Variants in RGS21 observed in about 807,000 individuals in gnomAD.
The protein encoded by RGS21 is regulator of G protein signaling 21, also known as regulator of G-protein signalling 21.
Under a neutral mutation model 18.7 loss-of-function variants are expected in RGS21, and 19 were observed. The ratio of observed to expected loss-of-function variants is 1.01; its 90% CI spans 0.71 to 1.49. The LOEUF (loss-of-function observed/expected upper bound fraction) is 1.49. Ranked by LOEUF, RGS21 falls within the 40% of genes most tolerant of loss-of-function variation. RGS21 has a pLI of 0.00. For synonymous variants in RGS21, 56 were observed against 57.8 expected (o/e 0.97, Z 0.14); for missense variants, 194 against 176.8 (o/e 1.10, Z -0.55).
chr1:192,331,836 T>C (rs960281917), intron 1 of RGS21, among the ~76,000 whole-genome samples: 14 of 152,026 alleles, frequency 9.2e-5, no homozygotes, highest in African/African-American at 2.4e-4. Flanking sequence ...AAAATGTATT[T>C]ATCTCTTTTC....
At chr1:192,326,523 C>G (rs1434061129) in intron 1 of RGS21, among the ~76,000 whole-genome samples, 1 of 151,984 alleles carries the variant, frequency 6.6e-6, no homozygotes, top group Non-Finnish European at 1.5e-5. Flanking sequence ...TATGTGTGTA[C>G]TCATTATGTT....
chr1:192,357,036 A>G (rs765045838), intron 4 of RGS21, among the ~76,000 whole-genome samples: 13 of 151,846 alleles, frequency 8.6e-5, no homozygotes, highest in African/African-American at 1.4e-4. Context: ...GACACCAGAT[A>G]AAAAATAATA....
chr1:192,341,985 CCTT>C (rs1239363928), intron 1 of RGS21, among the ~76,000 whole-genome samples: 2 of 151,966 alleles, frequency 1.3e-5, no homozygotes, highest in African/African-American at 4.8e-5. Flanking sequence ...TGATGATTTC[CCTT>C]CTTAATGATA....
intron 1 of RGS21, among the ~76,000 whole-genome samples, chr1:192,330,912 T>C (rs1360832114): frequency 6.6e-6 from 1 of 152,220 alleles, no homozygotes; most frequent in Non-Finnish European, 1.5e-5. Context: ...TTGAATTTGA[T>C]GAGCTGAGGG....
intron 1 of RGS21, among the ~76,000 whole-genome samples, chr1:192,339,985 T>A (rs1467464914): frequency 1.3e-5 from 2 of 152,172 alleles, no homozygotes; most frequent in African/African-American, 4.8e-5. Context: ...TGTTATATAT[T>A]ATGGAGTTAA....
chr1:192,353,723 T>C (rs1659076092), intron 4 of RGS21, among the ~76,000 whole-genome samples: 1 of 151,742 alleles, frequency 6.6e-6, no homozygotes, highest in South Asian at 2.1e-4. Context: ...TAACCTTTTC[T>C]TCCAAAATTA....
intron 1 of RGS21, among the ~76,000 whole-genome samples, chr1:192,331,545 CTAAATAAATAAA>C (rs200622803): frequency 8.2e-4 from 118 of 143,830 alleles, no homozygotes; most frequent in Admixed American, 8.2e-4. Context: ...GACTCCGTCT[CTAAATAAATAAA>C]TAAATAAATA....
intron 1 of RGS21, among the ~76,000 whole-genome samples, chr1:192,321,667 G>A (rs1658499752): frequency 6.6e-6 from 1 of 151,726 alleles, no homozygotes; most frequent in African/African-American, 2.4e-5. Context: ...TTTATAATAT[G>A]AGCATAAGTT....
At chr1:192,322,637 C>T (rs1418913897) in intron 1 of RGS21, among the ~76,000 whole-genome samples, 3 of 152,018 alleles carry the variant, frequency 2.0e-5, no homozygotes, top group African/African-American at 2.4e-5. Context: ...CTTCCACTAA[C>T]GCCAGACACT....
At chr1:192,361,977 A>T (rs16834199) in intron 4 of RGS21, among the ~76,000 whole-genome samples, 48,290 of 152,016 alleles carry the variant, frequency 0.32, 8,946 homozygotes, top group African/African-American at 0.5. Context: ...TGGAAGACAA[A>T]CTGTACAGGA....
At chr1:192,340,726 G>A (rs570322891) in intron 1 of RGS21, among the ~76,000 whole-genome samples, 6 of 152,038 alleles carry the variant, frequency 3.9e-5, no homozygotes, top group Non-Finnish European at 8.8e-5. Context: ...ACAGTTCCAC[G>A]TGGCTGGGGA....
At chr1:192,356,252 G>A (rs1223411340) in intron 4 of RGS21, among the ~76,000 whole-genome samples, 4 of 151,746 alleles carry the variant, frequency 2.6e-5, no homozygotes, top group Non-Finnish European at 5.9e-5. Flanking sequence ...ATCAATAAAT[G>A]TTTTTTATTC....
intron 1 of RGS21, among the ~76,000 whole-genome samples, chr1:192,327,569 T>A (rs1383924841): frequency 1.3e-5 from 2 of 152,144 alleles, no homozygotes; most frequent in African/African-American, 4.8e-5. Context: ...ACCTCCTAAA[T>A]TCAAGCGATT....
chr1:192,334,466 T>C (rs1051436640), intron 1 of RGS21, among the ~76,000 whole-genome samples: 2 of 152,174 alleles, frequency 1.3e-5, no homozygotes, highest in African/African-American at 4.8e-5. Context: ...GATCTTTTCA[T>C]AGGACAATGA....
At chr1:192,340,330 C>T (rs1027220847) in intron 1 of RGS21, among the ~76,000 whole-genome samples, 1 of 151,986 alleles carries the variant, frequency 6.6e-6, no homozygotes, top group Non-Finnish European at 1.5e-5. Flanking sequence ...TGTTGGCTTG[C>T]TATATTTTCT....
intron 4 of RGS21, among the ~76,000 whole-genome samples, chr1:192,358,572 A>G (rs1162573147): frequency 6.6e-6 from 1 of 152,018 alleles, no homozygotes; most frequent in Non-Finnish European, 1.5e-5. Context: ...TGCCGGCTCC[A>G]TTTTTGTAAG....
At chr1:192,357,171 A>G (rs752814726) in intron 4 of RGS21, among the ~76,000 whole-genome samples, 1 of 151,874 alleles carries the variant, frequency 6.6e-6, no homozygotes, top group Non-Finnish European at 1.5e-5. Context: ...GTAAGCTTTG[A>G]CCAGAAATTT....
At chr1:192,338,196 G>A (rs917230602) in intron 1 of RGS21, among the ~76,000 whole-genome samples, 3 of 152,004 alleles carry the variant, frequency 2.0e-5, no homozygotes, top group Non-Finnish European at 2.9e-5. Context: ...CATTAGAACC[G>A]CTCTCAGAAA....
intron 1 of RGS21, among the ~76,000 whole-genome samples, chr1:192,332,760 T>C (rs916377803): frequency 6.6e-5 from 10 of 152,142 alleles, no homozygotes; most frequent in Admixed American, 5.9e-4. Flanking sequence ...CTCAACAGTT[T>C]AGCCAGACAT....
Sources: gnomAD v4.1 joint callset for allele counts (sites outside exome capture counted in the v4.1 genomes callset) on GRCh38, gnomAD v4.1.1 for gene constraint, MANE v1.5 for transcripts, NCBI Gene and HGNC (gene_info 2026-07-23, HGNC 2026-07-21) for gene names.